Variants in DTD1 observed in about 807,000 individuals in gnomAD.
DTD1 encodes D-aminoacyl-tRNA deacylase 1, also known as D-tyrosyl-tRNA deacylase 1 homolog.
DTD1 carries 13 observed loss-of-function variants against 25.6 expected under a neutral mutation model. That is an observed-to-expected ratio of 0.51 (90% CI 0.33 to 0.81). The LOEUF (loss-of-function observed/expected upper bound fraction) is 0.81. Among genes scored for constraint, DTD1 ranks in the 30% least tolerant of loss-of-function variants. The probability of loss-of-function intolerance (pLI) is 0.02; values close to 1 mark genes in which losing one functional copy is unlikely to be tolerated. For synonymous variants in DTD1, 110 were observed against 103.6 expected (o/e 1.06, Z -0.37); for missense variants, 193 against 266.4 (o/e 0.72, Z 1.92).
chr20:18,628,521 C>T (rs142618746), intron 4 of DTD1, among the ~76,000 whole-genome samples: 5 of 152,266 alleles, frequency 3.3e-5, no homozygotes, highest in Admixed American at 1.3e-4. Context: ...GGTGCCGTGG[C>T]GCCCACCTGC....
intron 3 of DTD1, among the ~76,000 whole-genome samples, chr20:18,620,502 G>A (rs566579886): frequency 6.6e-6 from 1 of 152,096 alleles, no homozygotes; most frequent in Admixed American, 6.5e-5. Flanking sequence ...AATGCTGGAT[G>A]GAATATATTT....
At chr20:18,668,391 A>G (rs2060939726) in intron 4 of DTD1, among the ~76,000 whole-genome samples, 2 of 152,194 alleles carry the variant, frequency 1.3e-5, no homozygotes, top group African/African-American at 4.8e-5. Flanking sequence ...TAACAGCTCT[A>G]AAAAGGAGCA....
At chr20:18,745,959 A>G (rs1439398126) in intron 5 of DTD1, among the ~76,000 whole-genome samples, 7 of 152,330 alleles carry the variant, frequency 4.6e-5, no homozygotes, top group South Asian at 4.1e-4. Context: ...GCAGAAGTCC[A>G]GAGAAAAAAT....
At chr20:18,666,674 G>C (rs2060932522) in intron 4 of DTD1, among the ~76,000 whole-genome samples, 1 of 151,994 alleles carries the variant, frequency 6.6e-6, no homozygotes, top group Non-Finnish European at 1.5e-5. Context: ...CTATCTTCTT[G>C]GTATAGCTTT....
At chr20:18,698,666 G>A in intron 4 of DTD1, 1 of 152,390 alleles carries the variant, frequency 6.6e-6, no homozygotes. Flanking sequence ...CTGCTGCTCA[G>A]CTCATTCCCA....
intron 4 of DTD1, chr20:18,675,394 A>T (rs908197442): frequency 2.0e-5 from 3 of 152,270 alleles, no homozygotes; most frequent in African/African-American, 2.4e-5. Flanking sequence ...AGTGGCAAAC[A>T]TACCTTCCGG....
At chr20:18,757,549 G>A (rs192292683) in intron 5 of DTD1, among the ~76,000 whole-genome samples, 53 of 152,288 alleles carry the variant, frequency 3.5e-4, no homozygotes, top group Admixed American at 6.5e-4. Flanking sequence ...TTTGTCGTTG[G>A]TTCTGTTTAT....
chr20:18,700,755 G>A (rs796507789), intron 4 of DTD1, among the ~76,000 whole-genome samples: 7 of 152,298 alleles, frequency 4.6e-5, no homozygotes, highest in African/African-American at 1.7e-4. Context: ...CGATTGGAGG[G>A]TGTCTGGGGA....
chr20:18,692,068 TA>T (rs1699735661), intron 4 of DTD1: 1 of 152,216 alleles, frequency 6.6e-6, no homozygotes, highest in Non-Finnish European at 1.5e-5. Context: ...TAGGGCACAA[TA>T]AAGCATGTAT....
chr20:18,719,888 G>T (rs1484394034), intron 4 of DTD1, among the ~76,000 whole-genome samples: 3 of 152,172 alleles, frequency 2.0e-5, no homozygotes, highest in Non-Finnish European at 2.9e-5. Flanking sequence ...TAGAAATCTG[G>T]TTCTTGAGTC....
At chr20:18,701,387 T>C (rs1481420899) in intron 4 of DTD1, among the ~76,000 whole-genome samples, 1 of 152,266 alleles carries the variant, frequency 6.6e-6, no homozygotes, top group African/African-American at 2.4e-5. Flanking sequence ...ATGGTCTTCT[T>C]TAAGTAGGGT....
intron 4 of DTD1, among the ~76,000 whole-genome samples, chr20:18,668,151 T>C (rs2060938938): frequency 1.3e-5 from 2 of 152,212 alleles, no homozygotes; most frequent in Admixed American, 6.5e-5. Context: ...TGTTTGTCCA[T>C]GTGTTTATAT....
intron 3 of DTD1, among the ~76,000 whole-genome samples, chr20:18,608,504 CTT>C (rs1444327755): frequency 5.3e-5 from 8 of 152,084 alleles, no homozygotes; most frequent in Admixed American, 3.9e-4. Context: ...TTTAATTGCT[CTT>C]GTTTTTCTAG....
chr20:18,645,302 C>T (rs1309327307), intron 4 of DTD1, among the ~76,000 whole-genome samples: 1 of 152,178 alleles, frequency 6.6e-6, no homozygotes, highest in Admixed American at 6.5e-5. Context: ...CTAATTTTCA[C>T]CTGCAGAAAT....
chr20:18,716,447 C>G lies in DTD1; in HGVS notation c.478-27653C>G, dbSNP rs879896569. Among the ~76,000 whole-genome samples the G allele has an allele frequency of 4.6e-5, 7 of 152,214 alleles. No individual in the cohort carries two copies. In the South Asian group the frequency reaches 6.2e-4, roughly 13 times the overall value. On this transcript the variant is annotated intron_variant, in intron 4 of 5. Transcript: ENST00000377452. ...CTCACCAGGAGACACATGCCACCCGCAGGTGGCTGCCGGGTCTCACGGGAG... is the reference window on the plus strand; with the variant it reads ...CTCACCAGGAGACACATGCCACCCGGAGGTGGCTGCCGGGTCTCACGGGAG...
chr20:18,730,939 T>C (rs1487309426), intron 4 of DTD1, among the ~76,000 whole-genome samples: 1 of 152,238 alleles, frequency 6.6e-6, no homozygotes, highest in Admixed American at 6.5e-5. Flanking sequence ...TTTGGTTGAC[T>C]GAGTTCCTTA....
chr20:18,743,985 A>G, intron 4 of DTD1, 115 bp from the exon 5 acceptor site: 1 of 1,111,348 alleles, frequency 9.0e-7, no homozygotes, highest in South Asian at 1.7e-5. Flanking sequence ...GTGCTCTGCC[A>G]GGTTATCAGA....
At chr20:18,714,022 C>T (rs1389708276) in intron 4 of DTD1, among the ~76,000 whole-genome samples, 1 of 152,150 alleles carries the variant, frequency 6.6e-6, no homozygotes, top group Non-Finnish European at 1.5e-5. Flanking sequence ...GGAGATGTGA[C>T]CTGGAAGGCC....
intron 4 of DTD1, chr20:18,631,372 G>T: frequency 2.0e-6 from 2 of 985,668 alleles, no homozygotes; most frequent in Non-Finnish European, 2.4e-6. Context: ...TCGGCTGTGG[G>T]TCTAGACTGA....
Sources: allele counts gnomAD v4.1 joint callset (sites outside exome capture counted in the v4.1 genomes callset), GRCh38; gene constraint gnomAD v4.1.1; transcripts MANE v1.5; gene names NCBI Gene and HGNC (gene_info 2026-07-23, HGNC 2026-07-21).